Variants in SMAD2 observed in about 807,000 individuals in gnomAD.
SMAD2 encodes MAD homolog 2.
In SMAD2, 8 loss-of-function variants were observed where a neutral mutation model predicts 64.4. The ratio of observed to expected loss-of-function variants is 0.12; its 90% CI spans 0.07 to 0.22. The LOEUF (loss-of-function observed/expected upper bound fraction) is 0.22. SMAD2 is among the 10% of genes least tolerant of loss of function. The pLI, the probability that SMAD2 is intolerant of heterozygous loss-of-function variation, is 1.00. For synonymous variants in SMAD2, 203 were observed against 195.8 expected (o/e 1.04, Z -0.31); for missense variants, 289 against 561.2 (o/e 0.51, Z 4.90).
At chr18:47,921,401 C>A (rs530962812) in intron 1 of SMAD2, among the ~76,000 whole-genome samples, 1 of 152,286 alleles carries the variant, frequency 6.6e-6, no homozygotes, top group East Asian at 1.9e-4. Flanking sequence ...TGGCAAAGAA[C>A]AGACCAGTAA....
chr18:47,901,218 T>C lies in SMAD2; in HGVS notation c.-53-4409A>G, dbSNP rs142356617. On this transcript the variant is annotated intron_variant, in intron 1 of 10. Transcript: ENST00000262160. ...TTTACTGGGTACACATAAAGGATTGTGGTAACTCTGGTGGATCAATCCCCT... is the reference window on the plus strand; with the variant it reads ...TTTACTGGGTACACATAAAGGATTGCGGTAACTCTGGTGGATCAATCCCCT... Among the ~76,000 whole-genome samples the C allele has an allele frequency of 3.2e-3, 486 of 152,302 alleles. 2 individuals carry two copies. Among genetic ancestry groups the C allele is most frequent in the African/African-American group, 0.011 (469 of 41,584 alleles).
chr18:47,855,893 C>T, intron 6 of SMAD2, among the ~76,000 whole-genome samples: 1 of 152,170 alleles, frequency 6.6e-6, no homozygotes, highest in East Asian at 1.9e-4. Flanking sequence ...TGAAGACTCC[C>T]TTGTTATGTG....
At chr18:47,900,456 A>G (rs2033639583) in intron 1 of SMAD2, among the ~76,000 whole-genome samples, 1 of 152,000 alleles carries the variant, frequency 6.6e-6, no homozygotes, top group African/African-American at 2.4e-5. Context: ...GTGATGTGAC[A>G]TTTTTCAATT....
chr18:47,922,519 T>A (rs2034603581), intron 1 of SMAD2: 1 of 152,160 alleles, frequency 6.6e-6, no homozygotes, highest in Non-Finnish European at 1.5e-5. Context: ...AGAATAACAA[T>A]AAAATGTGCA....
At chr18:47,904,146 T>C (rs990524347) in intron 1 of SMAD2, among the ~76,000 whole-genome samples, 2 of 151,276 alleles carry the variant, frequency 1.3e-5, no homozygotes, top group African/African-American at 4.9e-5. Flanking sequence ...AAAGAGAATC[T>C]GCACTCATTC....
In SMAD2 at chr18:47,831,696, C is replaced by G. The variant is rs372785812; in HGVS notation, c.*10131G>C. On this transcript the variant is annotated 3_prime_UTR_variant, in exon 11 of 11. Coordinates refer to ENST00000262160, the MANE Select transcript of SMAD2 (RefSeq NM_005901.6). Reference sequence around the variant, plus strand: ...TCACTGAATCTGTTATCTGCTAAGTCTGATTCAATGTTCTTGCCTTCTATT... The same window carrying G: ...TCACTGAATCTGTTATCTGCTAAGTGTGATTCAATGTTCTTGCCTTCTATT... 2.0e-5 allele frequency: 3 copies of G among 152,190 alleles called. No individual in the cohort carries two copies. Among genetic ancestry groups the G allele is most frequent in the Admixed American group, 2.0e-4 (3 of 15,278 alleles). 9.4% of individuals were successfully genotyped at this position (152,190 alleles called of 1,614,324 possible).
chr18:47,815,378 C>T lies in SMAD2; in HGVS notation c.*26449G>A, dbSNP rs1448547542. 6.6e-6 allele frequency: 1 copy of T among 152,150 alleles called. No homozygotes were observed. Among genetic ancestry groups the T allele is most frequent in the African/African-American group, 2.4e-5 (1 of 41,432 alleles). The allele number at this position is 152,150 out of a possible 1,614,324, so 9.4% of individuals were successfully genotyped here. A position where few individuals can be genotyped will look rare whatever the true frequency, so the allele number is the denominator to read the frequency against. On this transcript the variant is annotated 3_prime_UTR_variant, in exon 11 of 11. Transcript: ENST00000262160. ...TGTGGGAGCTGGGAAGAGGGAAGAACATTGATAGAAAATCTGAAAGCCCAC... is the reference window on the plus strand; with the variant it reads ...TGTGGGAGCTGGGAAGAGGGAAGAATATTGATAGAAAATCTGAAAGCCCAC...
rs2144299360 is a variant in SMAD2, at chr18:47,848,482, C to G, written c.990G>C (p.Arg330Ser). 2 of 1,608,812 alleles carry G rather than the reference C, an allele frequency of 1.2e-6. No homozygotes were observed. The highest frequency in any genetic ancestry group is 1.7e-6 in the Non-Finnish European group (2 of 1,175,230). The change falls in exon 8 of 11, where the codon AGG becomes AGC. Residue 330 changes from arginine (R) to serine (S), a missense_variant. Arg to Ser is a moderately radical substitution (Grantham distance 110). Transcript: ENST00000262160. Reference sequence around the variant, plus strand: ...AAGGAAAATAAAACATACCTATATGCCTTCTTGTCATTTCTACCGTGGCAT... The same window carrying G: ...AAGGAAAATAAAACATACCTATATGGCTTCTTGTCATTTCTACCGTGGCAT... ...NRNATVEMTRRHIGRGVRLYY... is the reference protein window; with the variant it reads ...NRNATVEMTRSHIGRGVRLYY...
Position 47,820,024 on chromosome 18 carries a change from C to A in SMAD2, c.*21803G>T, listed in dbSNP as rs1912515556. The A allele has an allele frequency of 6.6e-6, 1 of 151,660 alleles. No individual in the cohort carries two copies. The highest frequency in any genetic ancestry group is 1.5e-5 in the Non-Finnish European group (1 of 67,922). The allele number at this position is 151,660 out of a possible 1,614,324, so 9.4% of individuals were successfully genotyped here. A position where few individuals can be genotyped will look rare whatever the true frequency, so the allele number is the denominator to read the frequency against. On this transcript the variant is annotated 3_prime_UTR_variant, in exon 11 of 11. Coordinates refer to ENST00000262160, the MANE Select transcript of SMAD2 (RefSeq NM_005901.6). ...AAGACATTGTCTCTAAAAAATAAAC[C>A]AAAAGAATGTTTTTAAAAATAGGAT...
chr18:47,865,634 A>G (rs1055681673), intron 5 of SMAD2, among the ~76,000 whole-genome samples: 2 of 152,196 alleles, frequency 1.3e-5, no homozygotes, highest in Admixed American at 1.3e-4. Context: ...ATGGTAGAGT[A>G]TGGTTCCGGA....
chr18:47,881,846 T>C (rs1476680674), intron 2 of SMAD2, among the ~76,000 whole-genome samples: 4 of 152,096 alleles, frequency 2.6e-5, no homozygotes, highest in Non-Finnish European at 4.4e-5. Flanking sequence ...TTTCCCTCCT[T>C]GGTTAATGCA....
At chr18:47,920,041 G>A (rs1032644989) in intron 1 of SMAD2, 7 of 152,154 alleles carry the variant, frequency 4.6e-5, no homozygotes, top group African/African-American at 1.7e-4. Flanking sequence ...CAGACTAGGT[G>A]GCTTATAAAC....
At chr18:47,902,874 TAAATG>T (rs2033741809) in intron 1 of SMAD2, among the ~76,000 whole-genome samples, 1 of 152,008 alleles carries the variant, frequency 6.6e-6, no homozygotes, top group African/African-American at 2.4e-5. Context: ...AATCCTGCCA[TAAATG>T]AAAGAAAGAA....
chr18:47,895,892 A>C (rs905295328), intron 2 of SMAD2, among the ~76,000 whole-genome samples: 2 of 152,222 alleles, frequency 1.3e-5, no homozygotes, highest in South Asian at 4.1e-4. Flanking sequence ...CAAGTAGTAA[A>C]ACACACTTTA....
chr18:47,854,640 GT>G (rs140293195), intron 6 of SMAD2, among the ~76,000 whole-genome samples: 20 of 151,046 alleles, frequency 1.3e-4, no homozygotes, highest in Middle Eastern at 6.8e-3. Flanking sequence ...ATTCACCCAG[GT>G]TTTTTTTTAA....
intron 1 of SMAD2, among the ~76,000 whole-genome samples, chr18:47,928,143 A>G (rs1199135276): frequency 6.6e-6 from 1 of 152,160 alleles, no homozygotes; most frequent in Non-Finnish European, 1.5e-5. Context: ...AATATGAATA[A>G]ATCTCCATCT....
chr18:47,849,461 A>C (rs2144303705), intron 7 of SMAD2, among the ~76,000 whole-genome samples: 1 of 141,296 alleles, frequency 7.1e-6, no homozygotes, highest in South Asian at 2.3e-4. Context: ...GAGGGCAAAA[A>C]TAATAATAGT....
intron 2 of SMAD2, among the ~76,000 whole-genome samples, chr18:47,894,511 T>A (rs1174695483): frequency 6.6e-6 from 1 of 152,088 alleles, no homozygotes; most frequent in Non-Finnish European, 1.5e-5. Flanking sequence ...ACCCAACTTG[T>A]TTGGAACGCT....
At position 47,826,504 on chromosome 18, in the gene SMAD2, C is replaced by A. The variant is rs985062605; in HGVS notation, c.*15323G>T. 2.6e-5 allele frequency: 4 copies of A among 152,188 alleles called. No individual in the cohort carries two copies. Among genetic ancestry groups the A allele is most frequent in the African/African-American group, 9.7e-5 (4 of 41,438 alleles). The allele number at this position is 152,188 out of a possible 1,614,324, so 9.4% of individuals were successfully genotyped here. ...GCTTGGCTGTTGTTGCCTTCTACAA[C>A]CTCCACAAAAACATGCTTGTTTAAT... On this transcript the variant is annotated 3_prime_UTR_variant, in exon 11 of 11. Transcript: ENST00000262160.
Sources: allele counts gnomAD v4.1 joint callset (sites outside exome capture counted in the v4.1 genomes callset), GRCh38; gene constraint gnomAD v4.1.1; transcripts MANE v1.5; gene names NCBI Gene and HGNC (gene_info 2026-07-23, HGNC 2026-07-21).